Variants in RPS6KA4 observed in about 807,000 individuals in gnomAD.
The protein encoded by RPS6KA4 is ribosomal protein S6 kinase A4, also known as ribosomal protein S6 kinase alpha-4.
In RPS6KA4, 38 loss-of-function variants were observed where a neutral mutation model predicts 89.6. The ratio of observed to expected loss-of-function variants is 0.42; its 90% CI spans 0.33 to 0.56. RPS6KA4 has a LOEUF of 0.56. RPS6KA4 is among the 20% of genes least tolerant of loss of function. The pLI is 0.07. For missense variants in RPS6KA4, 873 were observed against 1,098.8 expected (o/e 0.79, Z 2.90); for synonymous variants, 495 against 492.8 (o/e 1.00, Z -0.06).
chr11:64,369,952 T>G, intron 14 of RPS6KA4, 59 bp downstream of exon 14: 1 of 1,434,402 alleles, frequency 7.0e-7, no homozygotes, highest in Non-Finnish European at 9.2e-7. Flanking sequence ...GTCTTCCTGA[T>G]GTGCAGCAGC....
In RPS6KA4 at chr11:64,369,300, C is replaced by CAAAGAAAGAAAG. The variant is rs59909471; in HGVS notation, c.1429-138_1429-127dup. On this transcript the variant is annotated intron_variant, in intron 12 of 16. Coordinates refer to ENST00000334205, the MANE Select transcript of RPS6KA4 (RefSeq NM_003942.3). ...AGCGAGACTGTCTCCAAAAAAGTAA[C>CAAAGAAAGAAAG]AAAGAAAGAAAGAAAGAAAAAGGAC... The CAAAGAAAGAAAG allele has an allele frequency of 2.1e-5, 16 of 748,686 alleles. No individual in the cohort carries two copies. The East Asian group carries it at 5.1e-4, about 24-fold the overall frequency. 46.4% of individuals were successfully genotyped at this position (748,686 alleles called of 1,614,324 possible). A position where few individuals can be genotyped will look rare whatever the true frequency, so the allele number is the denominator to read the frequency against.
At chr11:64,371,101 CAAAAA>C (rs374004148) in intron 16 of RPS6KA4, among the ~76,000 whole-genome samples, 177 bp from the exon 17 acceptor site, 6 of 88,784 alleles carry the variant, frequency 6.8e-5, no homozygotes, top group African/African-American at 2.4e-4. Flanking sequence ...GAGACTCCGT[CAAAAA>C]AAAAAAAAAA....
chr11:64,368,228 C>A lies in RPS6KA4; in HGVS notation c.1168C>A (p.Arg390=). ...GCCTGGTGCTGGAGACCGGCCAGGT[C>A]GGGCAGCGGTGGCCAGGAGCGCTAT... The part of the protein sequence containing the change: ...EAPGAGDRPG[R]AAVARSAMMQ... Residue 390 remains arginine (R), a synonymous_variant, in exon 10 of 17, where the codon CGG becomes AGG. Coordinates refer to ENST00000334205, the MANE Select transcript of RPS6KA4 (RefSeq NM_003942.3). 1 of 1,612,062 alleles carries A rather than the reference C, an allele frequency of 6.2e-7. No individual in the cohort carries two copies. The highest frequency in any genetic ancestry group is 1.1e-5 in the South Asian group (1 of 90,778).
In RPS6KA4 at chr11:64,371,887, A is replaced by G. The variant is rs2037085955; in HGVS notation, c.*407A>G. 1 of 163,702 alleles carries G rather than the reference A, an allele frequency of 6.1e-6. No individual in the cohort carries two copies. Among genetic ancestry groups the G allele is most frequent in the African/African-American group, 2.4e-5 (1 of 41,832 alleles). 10.1% of individuals were successfully genotyped at this position (163,702 alleles called of 1,614,324 possible). Reference sequence around the variant, plus strand: ...CCCGTTCCTGGGAGGGGCACCCCTCAACTGTCACTTTATGGACTGTCTGTG... The same window carrying G: ...CCCGTTCCTGGGAGGGGCACCCCTCGACTGTCACTTTATGGACTGTCTGTG... On this transcript the variant is annotated 3_prime_UTR_variant, in exon 17 of 17. Coordinates refer to ENST00000334205, the MANE Select transcript of RPS6KA4 (RefSeq NM_003942.3).
At position 64,371,647 on chromosome 11, in the gene RPS6KA4, T is replaced by C. The variant is rs1395355339; in HGVS notation, c.*167T>C. 3 of 521,528 alleles carry C rather than the reference T, an allele frequency of 5.8e-6. No homozygotes were observed. Among genetic ancestry groups the C allele is most frequent in the Admixed American group, 7.6e-5 (2 of 26,488 alleles). 32.3% of individuals were successfully genotyped at this position (521,528 alleles called of 1,614,324 possible). A position where few individuals can be genotyped will look rare whatever the true frequency, so the allele number is the denominator to read the frequency against. On this transcript the variant is annotated 3_prime_UTR_variant, in exon 17 of 17. Coordinates refer to ENST00000334205, the MANE Select transcript of RPS6KA4 (RefSeq NM_003942.3). ...CAGAAGTATTTTTATAAGCAGAGAA[T>C]TTTTTATGTCTTACCAGATAGAGTT...
intron 9 of RPS6KA4, among the ~76,000 whole-genome samples, chr11:64,365,911 C>T (rs536131637): frequency 3.0e-4 from 46 of 151,990 alleles, no homozygotes; most frequent in Admixed American, 2.2e-3. Context: ...TGGTGGTATG[C>T]GCCTGTAATC....
chr11:64,362,868 A>G (rs1480200984), intron 8 of RPS6KA4, among the ~76,000 whole-genome samples: 1 of 152,126 alleles, frequency 6.6e-6, no homozygotes, highest in Non-Finnish European at 1.5e-5. Flanking sequence ...ACGGGGTTTC[A>G]CCATGTTGGC....
rs1248024337 is a variant in RPS6KA4, at chr11:64,361,870, C to T, written c.774C>T (p.Ser258=). The T allele has an allele frequency of 1.2e-6, 2 of 1,612,694 alleles. No individual in the cohort carries two copies. Among genetic ancestry groups the T allele is most frequent in the Non-Finnish European group, 1.7e-6 (2 of 1,179,798 alleles). The change falls in exon 8 of 17, where the codon TCC becomes TCT. Residue 258 remains serine (S), a synonymous_variant. Coordinates refer to ENST00000334205, the MANE Select transcript of RPS6KA4 (RefSeq NM_003942.3). This position sits in a 1 kb window ranked among gnomAD's most constrained non-coding sequence, Gnocchi z 4.7. ...AEVSRRILKC[S]PPFPPRIGPV... ...CTCCCAGACGGATCCTGAAGTGCTC[C>T]CCTCCCTTCCCCCCTCGGATCGGGC...
At position 64,370,801 on chromosome 11, in the gene RPS6KA4, C is replaced by A; in HGVS notation, c.2121+75C>A. 2 of 1,435,326 alleles carry A rather than the reference C, an allele frequency of 1.4e-6. No homozygotes were observed. Among genetic ancestry groups the A allele is most frequent in the Admixed American group, 2.7e-5 (1 of 37,450 alleles). 88.9% of individuals were successfully genotyped at this position (1,435,326 alleles called of 1,614,324 possible). A position where few individuals can be genotyped will look rare whatever the true frequency, so the allele number is the denominator to read the frequency against. On this transcript the variant is annotated intron_variant, in intron 16 of 16. Transcript: ENST00000334205. This position sits in a 1 kb window ranked among gnomAD's most constrained non-coding sequence, Gnocchi z 4.1. ...GTGGGGTCTGGGGAGGCCCGGCCAT[C>A]GGAGCACAGAAAGGCGAGGTGAGGC... is the stretch of plus-strand genomic sequence containing the variant.
chr11:64,367,755 G>T (rs2036922425), intron 9 of RPS6KA4, among the ~76,000 whole-genome samples: 1 of 152,188 alleles, frequency 6.6e-6, no homozygotes, highest in African/African-American at 2.4e-5. Flanking sequence ...CGGCTTGAAA[G>T]GGAGGAATAA....
chr11:64,369,894 G>C lies in RPS6KA4; in HGVS notation c.1797+1G>C. On this transcript the variant is annotated splice_donor_variant, in intron 14 of 16. Coordinates refer to ENST00000334205, the MANE Select transcript of RPS6KA4 (RefSeq NM_003942.3). LOFTEE classifies it high-confidence loss of function. ...CCTCTGGAGCCTGGGCGTCATTCTG[G>C]TATGGGACGCGGTCCTTGAGGCGGG... 6.5e-7 allele frequency: 1 copy of C among 1,536,310 alleles called. No homozygotes were observed. The highest frequency in any genetic ancestry group is 8.8e-7 in the Non-Finnish European group (1 of 1,138,796).
Position 64,371,373 on chromosome 11 carries a change from G to A in RPS6KA4, c.2212G>A (p.Ala738Thr), listed in dbSNP as rs761843231. ...AKRRKQKLRS[A>T]TASRRGSPAP... is the part of the protein sequence containing the mutation. ...GCGGCGGAAGCAGAAGCTGCGGAGC[G>A]CCACCGCCTCCCGCCGGGGCTCCCC... The change falls in exon 17 of 17, where the codon GCC becomes ACC. Residue 738 changes from alanine (A) to threonine (T), a missense_variant. Coordinates refer to ENST00000334205, the MANE Select transcript of RPS6KA4 (RefSeq NM_003942.3). The A allele has an allele frequency of 1.2e-6, 2 of 1,612,288 alleles. No homozygotes were observed. Among genetic ancestry groups the A allele is most frequent in the Non-Finnish European group, 8.5e-7 (1 of 1,179,684 alleles).
chr11:64,370,555 G>A lies in RPS6KA4; in HGVS notation c.1958-8G>A, dbSNP rs752002421. 1.8e-5 allele frequency: 29 copies of A among 1,591,662 alleles called. No homozygotes were observed. In the South Asian group the frequency reaches 3.0e-4, roughly 17 times the overall value. ...GCTCCTCCCCACACTTCCTTGCCCC[G>A]CCTCCAGGGCTCCTGACCGTGGACC... On this transcript the variant is annotated splice_polypyrimidine_tract_variant and splice_region_variant and intron_variant, in intron 15 of 16. Transcript: ENST00000334205. The surrounding 1 kb of genome is among the most constrained non-coding windows in gnomAD (Gnocchi z 4.1).
rs1217594182 is a variant in RPS6KA4, at chr11:64,360,287, C to G, written c.252C>G (p.Thr84=). The G allele has an allele frequency of 2.6e-6, 4 of 1,547,496 alleles. No individual in the cohort carries two copies. Among genetic ancestry groups the G allele is most frequent in the Non-Finnish European group, 2.6e-6 (3 of 1,146,160 alleles). The change falls in exon 3 of 17, where the codon ACC becomes ACG. Residue 84 remains threonine (T), a synonymous_variant. Coordinates refer to ENST00000334205, the MANE Select transcript of RPS6KA4 (RefSeq NM_003942.3). ...CCAAGACGCAAGAGCACACGCGCAC[C>G]GAGCGCTCGGTGCTGGAGCTGGTGC... ...QRAKTQEHTR[T]ERSVLELVRQ...
rs1330641044 is a variant in RPS6KA4, at chr11:64,368,550, G to T, written c.1283G>T (p.Cys428Phe). 4.4e-6 allele frequency: 7 copies of T among 1,594,312 alleles called. No individual in the cohort carries two copies. In the African/African-American group the frequency reaches 9.4e-5, roughly 21 times the overall value. ...GGCAGCTTTTCTGTGTGTCGCCGCT[G>T]CCGCCAGCGCCAGAGCGGCCAGGAG... ...GQGSFSVCRR[C>F]RQRQSGQEFA... The change falls in exon 11 of 17, where the codon TGC (cysteine) becomes TTC (phenylalanine). Residue 428 changes from cysteine (C) to phenylalanine (F), a missense_variant. This residue lies in a region of RPS6KA4 where 542 missense variants were observed against 736.4 expected (regional missense o/e 0.74). Coordinates refer to ENST00000334205, the MANE Select transcript of RPS6KA4 (RefSeq NM_003942.3).
In RPS6KA4 at chr11:64,368,698, C is replaced by T. The variant is rs561155374; in HGVS notation, c.1335-6C>T. 3 of 1,576,848 alleles carry T rather than the reference C, an allele frequency of 1.9e-6. No homozygotes were observed. The highest frequency in any genetic ancestry group is 4.6e-5 in the East Asian group (2 of 43,398). On this transcript the variant is annotated splice_polypyrimidine_tract_variant and splice_region_variant and intron_variant, in intron 11 of 16. Coordinates refer to ENST00000334205, the MANE Select transcript of RPS6KA4 (RefSeq NM_003942.3). ...CGACCGTAACTCCTTCTGCTCCGTC[C>T]CCCAGGCTGGAGGCGAACACGCAGC... is the stretch of plus-strand genomic sequence containing the variant.
At chr11:64,367,985 A>T in intron 9 of RPS6KA4, 147 bp from the exon 10 acceptor site, 1 of 764,882 alleles carries the variant, frequency 1.3e-6, no homozygotes, top group Non-Finnish European at 2.1e-6. Context: ...GTGTCCACAC[A>T]TCCTGTGTGT....
At position 64,369,770 on chromosome 11, in the gene RPS6KA4, G is replaced by A. The variant is rs749656770; in HGVS notation, c.1674G>A (p.Arg558=). The part of the protein sequence containing the change: ...KIIDFGFARL[R]PQSPGVPMQT... ...TCGACTTCGGGTTCGCGCGGTTGCGGCCGCAGAGTCCCGGGGTGCCCATGC... is the reference window on the plus strand; with the variant it reads ...TCGACTTCGGGTTCGCGCGGTTGCGACCGCAGAGTCCCGGGGTGCCCATGC... Residue 558 remains arginine (R), a synonymous_variant, in exon 14 of 17, where the codon CGG becomes CGA. Transcript: ENST00000334205. 5.0e-6 allele frequency: 8 copies of A among 1,611,558 alleles called. No individual in the cohort carries two copies. Among genetic ancestry groups the A allele is most frequent in the Middle Eastern group, 1.7e-4 (1 of 6,054 alleles).
chr11:64,368,886 G>A, intron 12 of RPS6KA4, 89 bp downstream of exon 12: 1 of 1,237,958 alleles, frequency 8.1e-7, no homozygotes, highest in Non-Finnish European at 1.1e-6. Flanking sequence ...GGGGTGAATT[G>A]GGCGGGGCCT....
Sources: gnomAD v4.1 joint callset for allele counts (sites outside exome capture counted in the v4.1 genomes callset) on GRCh38, gnomAD v4.1.1 for gene constraint, gnomAD v4.1.1 regional missense constraint, Gnocchi (gnomAD v3.1) non-coding constraint, MANE v1.5 for transcripts, NCBI Gene and HGNC (gene_info 2026-07-23, HGNC 2026-07-21) for gene names.